Variants in TNRC6B observed in about 807,000 individuals in gnomAD.
TNRC6B encodes the protein trinucleotide repeat-containing gene 6B protein.
In TNRC6B, 52 loss-of-function variants were observed where a neutral mutation model predicts 203.6. That is an observed-to-expected ratio of 0.26 (90% CI 0.20 to 0.32). The LOEUF (loss-of-function observed/expected upper bound fraction) is 0.32. TNRC6B is among the 10% of genes least tolerant of loss of function. The probability of loss-of-function intolerance (pLI) is 1.00; values close to 1 mark genes in which losing one functional copy is unlikely to be tolerated. For synonymous variants in TNRC6B, 838 were observed against 845.7 expected (o/e 0.99, Z 0.16); for missense variants, 1,923 against 2,286.2 (o/e 0.84, Z 3.24).
At chr22:40,173,485 A>G (rs2069023684), upstream of TNRC6B, among the ~76,000 whole-genome samples, 1 of 148,730 alleles carries the variant, frequency 6.7e-6, no homozygotes, top group Non-Finnish European at 1.5e-5. Context: ...AGATATATAT[A>G]TAATCTGTCA....
rs561921795 is a variant in TNRC6B at position 40,143,646 on chromosome 22, A to G, written c.46-12469A>G. Among the ~76,000 whole-genome samples, 444 of 151,944 alleles carry G rather than the reference A, an allele frequency of 2.9e-3. 2 individuals are homozygous for G. The highest frequency in any genetic ancestry group is 4.8e-3 in the South Asian group (23 of 4,806). On this transcript the variant is annotated intron_variant, in intron 3 of 23. Coordinates refer to the TNRC6B transcript ENST00000301923. ...TGAGTAGCTGGGACTACAGGCGCCC[A>G]CCACCACGCCCCGCTAATTTTTTGT... is the stretch of plus-strand genomic sequence containing the variant.
At chr22:40,241,837 T>G (rs2061879497) in intron 1 of TNRC6B, among the ~76,000 whole-genome samples, 1 of 152,230 alleles carries the variant, frequency 6.6e-6, no homozygotes, top group South Asian at 2.1e-4. Flanking sequence ...GAACTTGTGT[T>G]TTCCTATTTT....
At chr22:40,200,515 T>C (rs2069398462) in intron 1 of TNRC6B, among the ~76,000 whole-genome samples, 1 of 151,654 alleles carries the variant, frequency 6.6e-6, no homozygotes, top group Non-Finnish European at 1.5e-5. Context: ...CTCTAACTCC[T>C]GACCTCAGGT....
In TNRC6B at chr22:40,280,091, C is replaced by A. The variant is rs201197549; in HGVS notation, c.3359C>A (p.Pro1120Gln). 1.5e-4 allele frequency: 241 copies of A among 1,613,528 alleles called. No homozygotes were observed. Among genetic ancestry groups the A allele is most frequent in the Non-Finnish European group, 1.8e-4 (211 of 1,179,670 alleles). ...IMRKDRSGFR[P>Q]PNSKDMGTTD... ...AGGAAGGATCGATCTGGGTTCCGTCCACCTAATTCCAAAGACATGGGAACC... is the reference window on the plus strand; with the variant it reads ...AGGAAGGATCGATCTGGGTTCCGTCAACCTAATTCCAAAGACATGGGAACC... Residue 1120 changes from proline to glutamine, a missense_variant, in exon 10 of 23, where the codon CCA becomes CAA. Physicochemically the swap from Pro to Gln is moderately conservative, Grantham distance 76. Transcript: ENST00000454349.
chr22:40,051,568 A>G (rs2067744601), intron 1 of TNRC6B, among the ~76,000 whole-genome samples: 1 of 152,210 alleles, frequency 6.6e-6, no homozygotes, highest in Non-Finnish European at 1.5e-5. Context: ...TCTTCCTGAA[A>G]CAGTGCTTTG....
At chr22:40,168,533 A>G (rs1167128972) in intron 4 of TNRC6B, among the ~76,000 whole-genome samples, 1 of 152,212 alleles carries the variant, frequency 6.6e-6, no homozygotes, top group Non-Finnish European at 1.5e-5. Context: ...ACTGTTCCCT[A>G]AAAGGCCTGC....
intron 19 of TNRC6B, among the ~76,000 whole-genome samples, chr22:40,313,694 C>A (rs998713679): frequency 6.6e-6 from 1 of 152,230 alleles, no homozygotes; most frequent in Non-Finnish European, 1.5e-5. Context: ...CTTTGTCCAA[C>A]TACGAAGACG....
chr22:40,295,807 C>T (rs1200436949), intron 12 of TNRC6B, among the ~76,000 whole-genome samples: 1 of 152,050 alleles, frequency 6.6e-6, no homozygotes, highest in Non-Finnish European at 1.5e-5. Flanking sequence ...GGAATCATTG[C>T]CTTGGACTAG....
intron 10 of TNRC6B, 33 bp from the exon 11 acceptor site, chr22:40,281,086 C>T (rs2070716313): frequency 1.2e-5 from 18 of 1,517,006 alleles, no homozygotes; most frequent in South Asian, 5.1e-5. Context: ...AACCAACACT[C>T]GTTGTGATTG....
intron 1 of TNRC6B, among the ~76,000 whole-genome samples, chr22:40,075,156 AT>A (rs58240994): frequency 0.025 from 904 of 35,532 alleles, 8 homozygotes; most frequent in South Asian, 0.053. Flanking sequence ...ATATATATAT[AT>A]TTTTTTTTTT....
At chr22:40,223,860 C>T (rs2069748553) in intron 1 of TNRC6B, among the ~76,000 whole-genome samples, 1 of 152,206 alleles carries the variant, frequency 6.6e-6, no homozygotes, top group African/African-American at 2.4e-5. Context: ...ACAGAGATTG[C>T]ACCCGTTTAT....
Position 40,323,367 on chromosome 22 carries a change from G to GA in TNRC6B, c.*133dup. ...TTAAAAGGAAAAAAGAAAACGGAGAGAAAAAAAGGTGGGTCATTGACAGAC... is the reference window on the plus strand; with the variant it reads ...TTAAAAGGAAAAAAGAAAACGGAGAGAAAAAAAAGGTGGGTCATTGACAGAC... On this transcript the variant is annotated 3_prime_UTR_variant, in exon 23 of 23. Coordinates refer to ENST00000454349, the MANE Select transcript of TNRC6B (RefSeq NM_001162501.2). The GA allele has an allele frequency of 6.3e-6, 8 of 1,267,106 alleles. No homozygotes were observed. The highest frequency in any genetic ancestry group is 1.5e-5 in the African/African-American group (1 of 66,112). The allele number at this position is 1,267,106 out of a possible 1,614,324, so 78.5% of individuals were successfully genotyped here. A position where few individuals can be genotyped will look rare whatever the true frequency, so the allele number is the denominator to read the frequency against.
chr22:40,090,237 G>GT (rs1569256748), intron 1 of TNRC6B, among the ~76,000 whole-genome samples: 1 of 152,170 alleles, frequency 6.6e-6, no homozygotes, highest in Non-Finnish European at 1.5e-5. Flanking sequence ...AGTAAGTTTA[G>GT]TTTTGTGAGA....
chr22:40,254,625 C>T (rs1392753121), intron 3 of TNRC6B, among the ~76,000 whole-genome samples: 2 of 152,210 alleles, frequency 1.3e-5, no homozygotes, highest in Non-Finnish European at 2.9e-5. Flanking sequence ...CGGTGGCTCA[C>T]GCCTGTAATG....
rs1304484135 is a variant in TNRC6B, at chr22:40,282,736, A to G, written c.3582+1447A>G. On this transcript the variant is annotated intron_variant, in intron 11 of 22. Transcript: ENST00000454349. ...GTTTGTGGACATATTCTATCTAAAT[A>G]TGGACATGGTTTTTAAAGACTATTT... 3.9e-5 allele frequency among the ~76,000 whole-genome samples: 6 copies of G among 152,298 alleles called. No homozygotes were observed. The East Asian group carries it at 9.6e-4, about 24-fold the overall frequency.
intron 12 of TNRC6B, among the ~76,000 whole-genome samples, chr22:40,290,570 A>T (rs1042883758): frequency 3.3e-5 from 5 of 152,170 alleles, no homozygotes; most frequent in African/African-American, 1.2e-4. Context: ...AGCATGGCTC[A>T]GTCTTTATCT....
chr22:40,299,240 CTTT>C (rs1254026942), intron 12 of TNRC6B, among the ~76,000 whole-genome samples: 4 of 134,932 alleles, frequency 3.0e-5, no homozygotes, highest in Non-Finnish European at 1.6e-5. Flanking sequence ...GAACTAAAGT[CTTT>C]TTTTTTTTTT....
At chr22:40,168,086 C>T (rs1027772803) in intron 4 of TNRC6B, among the ~76,000 whole-genome samples, 1 of 152,162 alleles carries the variant, frequency 6.6e-6, no homozygotes, top group African/African-American at 2.4e-5. Flanking sequence ...ACTGGTCTCT[C>T]TTAGAGCATA....
chr22:40,161,619 G>A (rs1431365952), intron 4 of TNRC6B, among the ~76,000 whole-genome samples: 2 of 152,152 alleles, frequency 1.3e-5, no homozygotes, highest in Admixed American at 6.5e-5. Context: ...TAATTGACTT[G>A]TGATATTGAG....
Sources: gnomAD v4.1 joint callset for allele counts (sites outside exome capture counted in the v4.1 genomes callset) on GRCh38, gnomAD v4.1.1 for gene constraint, MANE v1.5 for transcripts, NCBI Gene and HGNC (gene_info 2026-07-23, HGNC 2026-07-21) for gene names.